The following ITGA6 variants were observed in gnomAD, a reference collection of about 807,000 sequenced individuals.
ITGA6 encodes the protein integrin alpha-6.
ITGA6 carries 63 observed loss-of-function variants against 133.6 expected under a neutral mutation model. The observed-to-expected ratio is 0.47, with a 90% CI of 0.38 to 0.58. The LOEUF is 0.58. Ranked by LOEUF, ITGA6 falls within the 20% of genes least tolerant of loss-of-function variation. The pLI, the probability that ITGA6 is intolerant of heterozygous loss-of-function variation, is 0.00. For synonymous variants in ITGA6, 434 were observed against 482.0 expected, an observed-to-expected ratio of 0.90 and a Z score of 1.30; for missense variants, 1,068 against 1,309.4, an observed-to-expected ratio of 0.82 and a Z score of 2.85.
At chr2:172,490,875 CACTT>C (rs1237741447) in intron 20 of ITGA6, 145 bp from the exon 21 acceptor site, 6 of 651,344 alleles carry the variant, frequency 9.2e-6, no homozygotes, top group East Asian at 5.4e-5. Context: ...GCTGGTTTTA[CACTT>C]ACTTCTGTGC....
chr2:172,465,623 C>G lies in ITGA6; in HGVS notation c.267C>G (p.Thr89=). 6.2e-7 allele frequency: 1 copy of G among 1,614,238 alleles called. No individual in the cohort carries two copies. The highest frequency in any genetic ancestry group is 8.5e-7 in the Non-Finnish European group (1 of 1,180,030). ...GAGGGCTGTACAGCTGCGACATCAC[C>G]GCCCGGGGGCCATGCACGCGGATCG... ...RTGGLYSCDI[T]ARGPCTRIEF... is the part of the protein sequence containing the mutation. The change falls in exon 2 of 26, where the codon ACC becomes ACG. Residue 89 remains threonine (T), a synonymous_variant. Transcript: ENST00000684293.
intron 14 of ITGA6, 59 bp downstream of exon 14, chr2:172,487,197 TAAG>T (rs1686720868): frequency 1.2e-5 from 18 of 1,534,982 alleles, no homozygotes; most frequent in Non-Finnish European, 1.5e-5. Flanking sequence ...GGCTTTGTGT[TAAG>T]AAAGTTTACT....
intron 11 of ITGA6, among the ~76,000 whole-genome samples, chr2:172,483,073 G>A (rs1686519790): frequency 6.6e-6 from 1 of 152,174 alleles, no homozygotes; most frequent in South Asian, 2.1e-4. Context: ...TGTAGAGACT[G>A]GAGAGATGGA....
In ITGA6 at chr2:172,475,084, TA is replaced by T; in HGVS notation, c.1148del (p.Asn383IlefsTer35). 6.2e-7 allele frequency: 1 copy of T among 1,602,208 alleles called. No homozygotes were observed. The highest frequency in any genetic ancestry group is 8.6e-7 in the Non-Finnish European group (1 of 1,169,162). ...GTKDSMFGIAVKNIGDINQDG... is the reference protein window; with the variant it reads ...GTKDSMFGIAXKNIGDINQDG... ...AAAGATTCTATGTTTGGCATTGCAG[TA>T]AAAAATATTGGAGATATTAATCAAG... On this transcript the variant is annotated frameshift_variant, in exon 7 of 26. Transcript: ENST00000684293. LOFTEE classifies it high-confidence loss of function.
intron 1 of ITGA6, among the ~76,000 whole-genome samples, chr2:172,456,600 C>G (rs1051398591): frequency 2.0e-5 from 3 of 152,166 alleles, no homozygotes; most frequent in African/African-American, 7.2e-5. Flanking sequence ...GTTAACCATT[C>G]CATTGGATGG....
chr2:172,479,537 T>C, intron 9 of ITGA6, 104 bp from the exon 10 acceptor site: 2 of 931,270 alleles, frequency 2.1e-6, no homozygotes, highest in South Asian at 2.6e-5. Context: ...TTTCCTGTGT[T>C]TTTAAGCTGT....
chr2:172,498,673 A>G (rs543956666), intron 24 of ITGA6, among the ~76,000 whole-genome samples: 2 of 152,336 alleles, frequency 1.3e-5, no homozygotes, highest in Admixed American at 1.3e-4. Flanking sequence ...AATAAAATGT[A>G]ATATCTTCCC....
At position 172,487,601 on chromosome 2, in the gene ITGA6, C is replaced by T. The variant is rs779334490; in HGVS notation, c.2215C>T (p.Leu739Phe). The T allele has an allele frequency of 1.4e-5, 22 of 1,614,106 alleles. No individual in the cohort carries two copies. The highest frequency in any genetic ancestry group is 1.8e-5 in the Non-Finnish European group (21 of 1,179,984). Residue 739 changes from leucine (L) to phenylalanine (F), a missense_variant, in exon 16 of 26, where the codon CTC becomes TTC. By Grantham distance (22) the Leu-to-Phe change is conservative (BLOSUM62 0). Coordinates refer to ENST00000684293, the MANE Select transcript of ITGA6 (RefSeq NM_000210.4). ...GAATGGCTCGCAAGCTGACTGTGAGCTCGGAAATCCTTTTAAAAGAAATTC... is the reference window on the plus strand; with the variant it reads ...GAATGGCTCGCAAGCTGACTGTGAGTTCGGAAATCCTTTTAAAAGAAATTC... Reference protein sequence around the residue: ...NQNGSQADCELGNPFKRNSNV... With the variant: ...NQNGSQADCEFGNPFKRNSNV...
At chr2:172,502,507 T>A (rs1355995227) in intron 25 of ITGA6, among the ~76,000 whole-genome samples, 1 of 152,202 alleles carries the variant, frequency 6.6e-6, no homozygotes, top group African/African-American at 2.4e-5. Context: ...TTCCTGCATG[T>A]CTCCTACAGG....
At chr2:172,453,011 G>A (rs1157045528) in intron 1 of ITGA6, among the ~76,000 whole-genome samples, 3 of 152,182 alleles carry the variant, frequency 2.0e-5, no homozygotes, top group African/African-American at 4.8e-5. Context: ...AGTTAAGGCA[G>A]GGAGGTGGGC....
intron 11 of ITGA6, among the ~76,000 whole-genome samples, chr2:172,482,750 T>C (rs903249411): frequency 1.3e-5 from 2 of 152,154 alleles, no homozygotes; most frequent in African/African-American, 4.8e-5. Flanking sequence ...AGCATTCCAT[T>C]TGGCAGCTGT....
chr2:172,438,211 A>G (rs556873885), intron 1 of ITGA6, among the ~76,000 whole-genome samples: 4 of 151,756 alleles, frequency 2.6e-5, no homozygotes, highest in South Asian at 2.1e-4. Flanking sequence ...AGGAAAAGTT[A>G]ATGCAAGAGA....
chr2:172,465,149 T>G, intron 1 of ITGA6: 1 of 287,290 alleles, frequency 3.5e-6, no homozygotes, highest in Non-Finnish European at 6.8e-6. Context: ...GTGGCCATTT[T>G]TTCCTTCCAT....
At chr2:172,469,631 A>T (rs943945576) in intron 4 of ITGA6, among the ~76,000 whole-genome samples, 5 of 152,146 alleles carry the variant, frequency 3.3e-5, no homozygotes, top group Non-Finnish European at 5.9e-5. Context: ...TTTTAGCAGG[A>T]ATATAATAAT....
intron 1 of ITGA6, among the ~76,000 whole-genome samples, chr2:172,456,969 A>G (rs556581405): frequency 1.3e-5 from 2 of 152,310 alleles, no homozygotes; most frequent in Non-Finnish European, 2.9e-5. Context: ...GATAGAGGTT[A>G]ACTTTGGTTT....
chr2:172,487,867 G>A, intron 17 of ITGA6, 60 bp downstream of exon 17: 1 of 1,480,692 alleles, frequency 6.8e-7, no homozygotes, highest in Non-Finnish European at 9.4e-7. Flanking sequence ...GGCAGTCAAT[G>A]AATTGGCCCT....
rs908381607 is a variant in ITGA6, at chr2:172,427,632, C to T, written c.-157C>T. 9 of 1,288,244 alleles carry T rather than the reference C, an allele frequency of 7.0e-6. No homozygotes were observed. In the East Asian group the frequency reaches 2.6e-4, roughly 38 times the overall value. 79.8% of individuals were successfully genotyped at this position (1,288,244 alleles called of 1,614,324 possible). The stretch of plus-strand genomic sequence containing the variant: ...CGAGCTGCCCGCGAGGGGGAGCGGC[C>T]GGACGGAGAGCGCGACCCGTCCCGG... On this transcript the variant is annotated 5_prime_UTR_variant, in exon 1 of 26. Transcript: ENST00000684293.
chr2:172,435,625 T>C (rs561901231), intron 1 of ITGA6, among the ~76,000 whole-genome samples: 240 of 136,770 alleles, frequency 1.8e-3, no homozygotes, highest in Middle Eastern at 3.5e-3. Context: ...TCTTTTTTTT[T>C]TTTTTTTTTT....
rs568941469 is a variant in ITGA6, at chr2:172,456,279, C to T, written c.183-9260C>T. ...AGCTTACCCTCAGGTATCCTGATCACGTGGAGACTGGCCATATGGCTTCCC... is the reference window on the plus strand; with the variant it reads ...AGCTTACCCTCAGGTATCCTGATCATGTGGAGACTGGCCATATGGCTTCCC... On this transcript the variant is annotated intron_variant, in intron 1 of 25. Coordinates refer to ENST00000684293, the MANE Select transcript of ITGA6 (RefSeq NM_000210.4). 5.9e-5 allele frequency among the ~76,000 whole-genome samples: 9 copies of T among 152,342 alleles called. 1 individual carries two copies. Among genetic ancestry groups the T allele is most frequent in the South Asian group, 2.1e-4 (1 of 4,828 alleles).
Sources: gnomAD v4.1 joint callset for allele counts (sites outside exome capture counted in the v4.1 genomes callset) on GRCh38, gnomAD v4.1.1 for gene constraint, MANE v1.5 for transcripts, NCBI Gene and HGNC (gene_info 2026-07-23, HGNC 2026-07-21) for gene names.